Variants in ASPM observed in about 807,000 individuals in gnomAD.
The protein encoded by ASPM is abnormal spindle-like microcephaly-associated protein.
ASPM carries 256 observed loss-of-function variants against 366.4 expected under a neutral mutation model. That is an observed-to-expected ratio of 0.70 (90% CI 0.63 to 0.77). ASPM has a LOEUF of 0.77. Among genes scored for constraint, ASPM ranks in the 30% least tolerant of loss-of-function variants. The pLI, the probability that ASPM is intolerant of heterozygous loss-of-function variation, is 0.00. For synonymous variants in ASPM, 1,414 were observed against 1,342.9 expected, an observed-to-expected ratio of 1.05 and a Z score of -1.16; for missense variants, 4,146 against 4,090.4, an observed-to-expected ratio of 1.01 and a Z score of -0.37.
chr1:197,135,366 T>G (rs1658385281), intron 4 of ASPM, 124 bp from the exon 5 acceptor site: 1 of 995,886 alleles, frequency 1.0e-6, no homozygotes, highest in Non-Finnish European at 1.6e-6. Flanking sequence ...GCTTTTCTAC[T>G]ACTTGCAGGA....
At chr1:197,135,941 G>T (rs1436498665) in intron 4 of ASPM, among the ~76,000 whole-genome samples, 1 of 151,998 alleles carries the variant, frequency 6.6e-6, no homozygotes, top group African/African-American at 2.4e-5. Flanking sequence ...CAACAGAACA[G>T]GACTCTGTCC....
chr1:197,100,465 A>T lies in ASPM; in HGVS notation c.8786T>A (p.Phe2929Tyr). The change falls in exon 18 of 28, where the codon TTT becomes TAT. Residue 2929 changes from phenylalanine (F) to tyrosine (Y), a missense_variant. By Grantham distance (22) the Phe-to-Tyr change is conservative. This residue lies in a region of ASPM where 3,624 missense variants were observed against 3,591.7 expected (regional missense o/e 1.01). Transcript: ENST00000367409. ...RSKGFIQKRK[F>Y]QEIKNSTIKI... ...TATGGTGCTATTTTTAATTTCCTGAAACTTCCGTTTCTGTATAAATCCTTT... is the reference window on the plus strand; with the variant it reads ...TATGGTGCTATTTTTAATTTCCTGATACTTCCGTTTCTGTATAAATCCTTT... The T allele has an allele frequency of 6.4e-7, 1 of 1,570,194 alleles. No individual in the cohort carries two copies. Among genetic ancestry groups the T allele is most frequent in the South Asian group, 1.2e-5 (1 of 83,814 alleles).
In ASPM at chr1:197,101,830, T is replaced by A; in HGVS notation, c.7421A>T (p.Lys2474Met). The A allele has an allele frequency of 6.2e-7, 1 of 1,612,742 alleles. No individual in the cohort carries two copies. Among genetic ancestry groups the A allele is most frequent in the Non-Finnish European group, 8.5e-7 (1 of 1,179,188 alleles). The change falls in exon 18 of 28, where the codon AAG becomes ATG. Residue 2474 changes from lysine (K) to methionine (M), a missense_variant. By Grantham distance (95) the Lys-to-Met change is moderately conservative. This residue lies in a region of ASPM where 3,624 missense variants were observed against 3,591.7 expected (regional missense o/e 1.01). Transcript: ENST00000367409. Reference sequence around the variant, plus strand: ...CCTTTGCATTTCTTGTAACTTCTTCTTTACCATCAGTCTTCTGTAAGATGA... The same window carrying A: ...CCTTTGCATTTCTTGTAACTTCTTCATTACCATCAGTCTTCTGTAAGATGA... ...IQSSYRRLMV[K>M]KKLQEMQRAA...
chr1:197,099,463 T>A (rs1410458875), intron 18 of ASPM, among the ~76,000 whole-genome samples: 1 of 151,678 alleles, frequency 6.6e-6, no homozygotes, highest in African/African-American at 2.4e-5. Context: ...CTGGGCTATT[T>A]CTAATTCATA....
chr1:197,143,191 T>C lies in ASPM; in HGVS notation c.1061A>G (p.Glu354Gly), dbSNP rs1217130532. 1.2e-6 allele frequency: 2 copies of C among 1,613,526 alleles called. No homozygotes were observed. Among genetic ancestry groups the C allele is most frequent in the East Asian group, 4.5e-5 (2 of 44,842 alleles). ...ATAAATTTCATGTGCAATTGTTGAT[T>C]CCAAATGCACAGGCTGTGAATTATC... ...MKDNSQPVHL[E>G]STIAHEIYQK... The change falls in exon 3 of 28, where the codon GAA becomes GGA. Residue 354 changes from glutamate to glycine, a missense_variant. Around this residue, in one of 3 missense-constraint regions of ASPM, gnomAD observed 512 missense variants for 471.7 expected, o/e 1.09. Transcript: ENST00000367409.
chr1:197,134,374 T>C lies in ASPM; in HGVS notation c.2173+722A>G, dbSNP rs536381447. On this transcript the variant is annotated intron_variant, in intron 5 of 27. Coordinates refer to ENST00000367409, the MANE Select transcript of ASPM (RefSeq NM_018136.5). The stretch of plus-strand genomic sequence containing the variant: ...CTGCAGTGACCTGTGATCACACCAA[T>C]GCACTCCAGACTGGGTGAGGGAGTG... 4.0e-5 allele frequency among the ~76,000 whole-genome samples: 6 copies of C among 151,846 alleles called. 1 individual carries two copies. Among genetic ancestry groups the C allele is most frequent in the African/African-American group, 1.4e-4 (6 of 41,416 alleles).
intron 18 of ASPM, 36 bp downstream of exon 18, chr1:197,100,395 C>G (rs751008738): frequency 4.0e-5 from 53 of 1,314,682 alleles, no homozygotes; most frequent in Non-Finnish European, 2.1e-6. Flanking sequence ...AAAAGAAAGA[C>G]TCACAGTTTT....
chr1:197,130,111 G>A, intron 7 of ASPM, 55 bp from the exon 8 acceptor site: 1 of 1,572,852 alleles, frequency 6.4e-7, no homozygotes, highest in South Asian at 1.1e-5. Context: ...GAAACAAAGG[G>A]AAGTGACTGA....
chr1:197,103,598 A>T lies in ASPM; in HGVS notation c.5653T>A (p.Tyr1885Asn), dbSNP rs769713588. 8 of 1,612,946 alleles carry T rather than the reference A, an allele frequency of 5.0e-6. No homozygotes were observed. The highest frequency in any genetic ancestry group is 6.8e-6 in the Non-Finnish European group (8 of 1,179,456). ...TGTTTCCGAACCTTCCAGCCACGATAAGCAGACTGGAGGGAAATCACAGCT... is the reference window on the plus strand; with the variant it reads ...TGTTTCCGAACCTTCCAGCCACGATTAGCAGACTGGAGGGAAATCACAGCT... ...KAAVISLQSAYRGWKVRKQIR... is the reference protein window; with the variant it reads ...KAAVISLQSANRGWKVRKQIR... The change falls in exon 18 of 28, where the codon TAT (tyrosine) becomes AAT (asparagine). Residue 1885 changes from tyrosine (Y) to asparagine (N), a missense_variant. By Grantham distance (143) the Tyr-to-Asn change is moderately radical (BLOSUM62 -2). Transcript: ENST00000367409.
In ASPM at chr1:197,143,747, C is replaced by T. The variant is rs1557966244; in HGVS notation, c.505G>A (p.Val169Ile). The change falls in exon 3 of 28, where the codon GTT (valine) becomes ATT (isoleucine). Residue 169 changes from valine to isoleucine, a missense_variant. By Grantham distance (29) the Val-to-Ile change is conservative. Coordinates refer to ENST00000367409, the MANE Select transcript of ASPM (RefSeq NM_018136.5). The part of the protein sequence containing the change: ...ISASTSHNRR[V>I]SNIQNVNKTF... ...TTATTAACATTCTGAATATTTGAAA[C>T]CCTTCTGTTGTGACTTGTAGAGGCT... 1.2e-6 allele frequency: 2 copies of T among 1,613,512 alleles called. No individual in the cohort carries two copies. Among genetic ancestry groups the T allele is most frequent in the Non-Finnish European group, 1.7e-6 (2 of 1,179,704 alleles).
chr1:197,140,548 G>A (rs1447180717), intron 3 of ASPM, among the ~76,000 whole-genome samples: 1 of 152,182 alleles, frequency 6.6e-6, no homozygotes, highest in Admixed American at 6.5e-5. Flanking sequence ...GAGGCTTTGA[G>A]CAATTAAGCC....
At chr1:197,108,603 T>C (rs143306291) in intron 17 of ASPM, among the ~76,000 whole-genome samples, 3 of 152,166 alleles carry the variant, frequency 2.0e-5, no homozygotes, top group African/African-American at 7.2e-5. Context: ...ACAACTTGGA[T>C]GAAATGGACC....
intron 27 of ASPM, 115 bp from the exon 28 acceptor site, chr1:197,084,541 C>A (rs1027040113): frequency 1.4e-6 from 1 of 710,200 alleles, no homozygotes; most frequent in Non-Finnish European, 2.5e-6. Context: ...ATTTCCCTTA[C>A]AAACTGCTCA....
Position 197,101,837 on chromosome 1 carries a change from T to C in ASPM, c.7414A>G (p.Met2472Val), listed in dbSNP as rs763267401. The C allele has an allele frequency of 9.9e-6, 16 of 1,612,856 alleles. No individual in the cohort carries two copies. The highest frequency in any genetic ancestry group is 1.4e-5 in the Non-Finnish European group (16 of 1,179,310). ...ATTTCTTGTAACTTCTTCTTTACCATCAGTCTTCTGTAAGATGACTGTATT... is the reference window on the plus strand; with the variant it reads ...ATTTCTTGTAACTTCTTCTTTACCACCAGTCTTCTGTAAGATGACTGTATT... Reference protein sequence around the residue: ...ITIQSSYRRLMVKKKLQEMQR... With the variant: ...ITIQSSYRRLVVKKKLQEMQR... The change falls in exon 18 of 28, where the codon ATG (methionine) becomes GTG (valine). Residue 2472 changes from methionine to valine, a missense_variant. Met to Val is a conservative substitution (Grantham distance 21). This residue lies in a region of ASPM where 3,624 missense variants were observed against 3,591.7 expected (regional missense o/e 1.01). Transcript: ENST00000367409.
chr1:197,089,967 A>T lies in ASPM; in HGVS notation c.9947T>A (p.Ile3316Asn). Reference protein sequence around the residue: ...CNRSIPCMEVIRYAVQVLLNV... With the variant: ...CNRSIPCMEVNRYAVQVLLNV... ...AAGCAAGACTTGCACAGCATATCTG[A>T]TGACTTCCATACAAGGAATACTGCG... Residue 3316 changes from isoleucine (I) to asparagine (N), a missense_variant, in exon 25 of 28, where the codon ATC becomes AAC. Physicochemically the swap from Ile to Asn is moderately radical, Grantham distance 149. Coordinates refer to ENST00000367409, the MANE Select transcript of ASPM (RefSeq NM_018136.5). The T allele has an allele frequency of 6.2e-7, 1 of 1,613,444 alleles. No individual in the cohort carries two copies. Among genetic ancestry groups the T allele is most frequent in the Non-Finnish European group, 8.5e-7 (1 of 1,179,552 alleles).
At chr1:197,124,028 G>T in intron 13 of ASPM, 82 bp downstream of exon 13, 1 of 1,206,424 alleles carries the variant, frequency 8.3e-7, no homozygotes, top group South Asian at 1.4e-5. Flanking sequence ...TTCAAGAAAA[G>T]ACTTCAGGCA....
Position 197,142,448 on chromosome 1 carries a change from T to C in ASPM, c.1804A>G (p.Ile602Val), listed in dbSNP as rs1404634374. The change falls in exon 3 of 28, where the codon ATC becomes GTC. Residue 602 changes from isoleucine (I) to valine (V), a missense_variant. Ile to Val is a conservative substitution (Grantham distance 29, BLOSUM62 3). Coordinates refer to ENST00000367409, the MANE Select transcript of ASPM (RefSeq NM_018136.5). ...EHTEVREIKR[I>V]HFSPSEPKTS... Reference sequence around the variant, plus strand: ...TTAGGCTCTGAGGGAGAAAAATGGATTCTTTTGATTTCTCGCACTTCTGTA... The same window carrying C: ...TTAGGCTCTGAGGGAGAAAAATGGACTCTTTTGATTTCTCGCACTTCTGTA... 3 of 1,613,854 alleles carry C rather than the reference T, an allele frequency of 1.9e-6. No individual in the cohort carries two copies. Among genetic ancestry groups the C allele is most frequent in the Non-Finnish European group, 1.7e-6 (2 of 1,179,852 alleles).
chr1:197,121,127 T>C (rs1469634537), intron 16 of ASPM, among the ~76,000 whole-genome samples: 1 of 151,402 alleles, frequency 6.6e-6, no homozygotes, highest in African/African-American at 2.5e-5. Context: ...GATGCTTGTT[T>C]TATTTTATTT....
At chr1:197,126,857 G>T (rs927601999) in intron 10 of ASPM, among the ~76,000 whole-genome samples, 2 of 152,100 alleles carry the variant, frequency 1.3e-5, no homozygotes, top group Non-Finnish European at 2.9e-5. Context: ...CCTCCATTCT[G>T]GCCAAGCGGT....
Sources: allele counts gnomAD v4.1 joint callset (sites outside exome capture counted in the v4.1 genomes callset), GRCh38; gene constraint gnomAD v4.1.1; regional missense constraint gnomAD v4.1.1; transcripts MANE v1.5; gene names NCBI Gene and HGNC (gene_info 2026-07-23, HGNC 2026-07-21).